Variants in OFD1 observed in about 807,000 individuals in gnomAD.
OFD1 encodes OFD1 centriole and centriolar satellite protein, also known as centriole and centriolar satellite protein OFD1.
OFD1 carries 12 observed loss-of-function variants against 81.4 expected under a neutral mutation model. That is an observed-to-expected ratio of 0.15 (90% confidence interval 0.09 to 0.24). The LOEUF is 0.24. OFD1 is among the 10% of genes least tolerant of loss of function. OFD1 has a pLI of 1.00. For synonymous variants in OFD1, 256 were observed against 263.7 expected, an observed-to-expected ratio of 0.97 and a Z score of 0.28; for missense variants, 685 against 733.9, an observed-to-expected ratio of 0.93 and a Z score of 0.77.
chrX:13,742,878 C>G (rs140245046), intron 5 of OFD1, among the ~76,000 whole-genome samples: 2 of 111,289 alleles, frequency 1.8e-5, no homozygotes, highest in African/African-American at 3.3e-5. Context: ...TAGAGCTTTA[C>G]GTCATCAAGA....
the OFD1 span, among the ~76,000 whole-genome samples, chrX:13,727,780 A>T: frequency 1.8e-5 from 2 of 112,306 alleles, no homozygotes; most frequent in African/African-American, 6.5e-5. Flanking sequence ...AAACACACGA[A>T]AAACCCTTTA....
chrX:13,759,349 C>T lies in OFD1; in HGVS notation c.1655-766C>T, dbSNP rs73451145. On this transcript the variant is annotated intron_variant, in intron 15 of 22. Coordinates refer to ENST00000340096, the MANE Select transcript of OFD1 (RefSeq NM_003611.3). ...AAACTTCTCACAGCTGAAATCATAG[C>T]AGTCTCCTATCAATAAAAAATAGTT... Among the ~76,000 whole-genome samples the T allele has an allele frequency of 9.5e-3, 1,065 of 112,349 alleles. 12 individuals carry two copies. The highest frequency in any genetic ancestry group is 0.033 in the African/African-American group (1,010 of 30,863).
At chrX:13,740,169 C>T in intron 5 of OFD1, 1 of 969,497 alleles carries the variant, frequency 1.0e-6, no homozygotes, top group Non-Finnish European at 1.3e-6. Context: ...ACAAGATATT[C>T]TGGACTGCCC....
At chrX:13,766,246 C>T (rs1452073688) in intron 19 of OFD1, among the ~76,000 whole-genome samples, 5 of 111,974 alleles carry the variant, frequency 4.5e-5, no homozygotes, top group Non-Finnish European at 7.5e-5. Context: ...GTGCAGATGA[C>T]CACAGGTTGT....
intron 8 of OFD1, among the ~76,000 whole-genome samples, chrX:13,747,762 C>A (rs746263114): frequency 2.7e-4 from 30 of 111,144 alleles, no homozygotes; most frequent in African/African-American, 9.5e-4. Flanking sequence ...TTGGAGAGAG[C>A]CATGGAAATG....
chrX:13,737,154 C>G (rs201128184), intron 3 of OFD1, among the ~76,000 whole-genome samples: 1 of 63,531 alleles, frequency 1.6e-5, no homozygotes, highest in Non-Finnish European at 3.1e-5. Context: ...CTCTTTTTTT[C>G]CTGCACTAGT....
chrX:13,767,689 C>A (rs2048185185), intron 20 of OFD1, among the ~76,000 whole-genome samples: 1 of 111,693 alleles, frequency 9.0e-6, no homozygotes, highest in Non-Finnish European at 1.9e-5. Context: ...CACACACTCC[C>A]TCCCTCCTTC....
rs561703110 is a variant in OFD1, at chrX:13,740,142, T to C, written c.412+1110T>C. 7.2e-5 allele frequency: 70 copies of C among 968,826 alleles called. 1 individual carries two copies. The South Asian group carries it at 1.4e-3, about 19-fold the overall frequency. 79.8% of individuals were successfully genotyped at this position (968,826 alleles called of 1,213,427 possible). A position where few individuals can be genotyped will look rare whatever the true frequency, so the allele number is the denominator to read the frequency against. ...TCTCTTGGTAGTAATGTTAGCAGAA[T>C]ATAAATAAATTGGAGCACAAGATAT... On this transcript the variant is annotated intron_variant, in intron 5 of 22. Transcript: ENST00000340096.
At position 13,740,259 on chromosome X, in the gene OFD1, T is replaced by A. The variant is rs762196599; in HGVS notation, c.412+1227T>A. On this transcript the variant is annotated intron_variant, in intron 5 of 22. Transcript: ENST00000340096. ...TACTCTAAGTGTCGTCCAGTGTGAC[T>A]CTCTGTGATTATGGAAATGTCTGTG... The A allele has an allele frequency of 1.4e-5, 10 of 697,549 alleles. No individual in the cohort carries two copies. The African/African-American group carries it at 1.8e-4, about 12-fold the overall frequency. 57.5% of individuals were successfully genotyped at this position (697,549 alleles called of 1,213,427 possible).
At chrX:13,739,642 G>A (rs1280876132) in intron 5 of OFD1, 1 of 122,303 alleles carries the variant, frequency 8.2e-6, no homozygotes, top group Non-Finnish European at 1.6e-5. Context: ...CAGCTACTCA[G>A]GAGGCTGAGG....
chrX:13,754,432 T>TA (rs1555904846), intron 11 of OFD1, among the ~76,000 whole-genome samples: 49 of 105,994 alleles, frequency 4.6e-4, no homozygotes, highest in African/African-American at 1.3e-3. Flanking sequence ...TTTTTTTTTT[T>TA]AAGAGACGGA....
chrX:13,770,392 A>G (rs187735653), downstream of OFD1, among the ~76,000 whole-genome samples: 215 of 112,382 alleles, frequency 1.9e-3, 1 homozygote, highest in African/African-American at 6.2e-3. Context: ...AATAGTGACA[A>G]AGGCTGGGCC....
downstream of OFD1, chrX:13,770,998 AATAG>A (rs770490228): frequency 8.0e-5 from 9 of 112,650 alleles, no homozygotes; most frequent in East Asian, 2.8e-4. Context: ...TTTCCACCTA[AATAG>A]ATCTTTAAAA....
In OFD1 at chrX:13,734,798, G is replaced by T; in HGVS notation, c.-274G>T. 1 of 1,073,862 alleles carries T rather than the reference G, an allele frequency of 9.3e-7. No homozygotes were observed. The highest frequency in any genetic ancestry group is 3.9e-5 in the Admixed American group (1 of 25,451). 88.5% of individuals were successfully genotyped at this position (1,073,862 alleles called of 1,213,427 possible). A position where few individuals can be genotyped will look rare whatever the true frequency, so the allele number is the denominator to read the frequency against. On this transcript the variant is annotated 5_prime_UTR_variant, in exon 1 of 23. Coordinates refer to ENST00000340096, the MANE Select transcript of OFD1 (RefSeq NM_003611.3). ...GCTGCCTTCAGTCCCTAGTGTCTGG[G>T]TCCCCGCCCTCCAGCCGCCTTTGAG...
At chrX:13,750,385 C>G (rs2047457135) in intron 9 of OFD1, among the ~76,000 whole-genome samples, 1 of 111,643 alleles carries the variant, frequency 9.0e-6, no homozygotes, top group Non-Finnish European at 1.9e-5. Context: ...TTCCAGATTA[C>G]CAGCAGAGGG....
At chrX:13,756,423 G>A (rs776910309) in intron 12 of OFD1, among the ~76,000 whole-genome samples, 155 bp from the exon 13 acceptor site, 1 of 111,962 alleles carries the variant, frequency 8.9e-6, no homozygotes, top group African/African-American at 3.3e-5. Context: ...GATAATTTTC[G>A]TTATTGTAGT....
At chrX:13,765,124 C>T (rs890289298) in intron 19 of OFD1, among the ~76,000 whole-genome samples, 1 of 111,235 alleles carries the variant, frequency 9.0e-6, no homozygotes, top group African/African-American at 3.3e-5. Context: ...AGCAGCATGG[C>T]GAGTGACATT....
chrX:13,749,345 G>T, intron 8 of OFD1, 82 bp from the exon 9 acceptor site: 1 of 573,549 alleles, frequency 1.7e-6, no homozygotes, highest in South Asian at 2.4e-5. Flanking sequence ...TTGCTTTTTG[G>T]AATGTAGGAA....
intron 2 of OFD1, among the ~76,000 whole-genome samples, chrX:13,735,842 T>A (rs2046841603): frequency 8.9e-6 from 1 of 112,326 alleles, no homozygotes; most frequent in South Asian, 3.6e-4. Flanking sequence ...ATGCTTTATA[T>A]TTGGATTAAC....
Sources: allele counts gnomAD v4.1 joint callset (sites outside exome capture counted in the v4.1 genomes callset), GRCh38; gene constraint gnomAD v4.1.1; transcripts MANE v1.5; gene names NCBI Gene and HGNC (gene_info 2026-07-23, HGNC 2026-07-21).